Variants in ZFP64 observed in about 807,000 individuals in gnomAD.
ZFP64 encodes the protein ZFP64 zinc finger protein.
Under a neutral mutation model 51.6 loss-of-function variants are expected in ZFP64, and 14 were observed. That is an observed-to-expected ratio of 0.27 (90% CI 0.18 to 0.42). The LOEUF (loss-of-function observed/expected upper bound fraction) is 0.42, where lower values mean the gene tolerates loss of function less well. Among genes scored for constraint, ZFP64 ranks in the 10% least tolerant of loss-of-function variants. The pLI, the probability that ZFP64 is intolerant of heterozygous loss-of-function variation, is 1.00. For missense variants in ZFP64, 754 were observed against 906.8 expected (o/e 0.83, Z 2.16); for synonymous variants, 375 against 361.4 (o/e 1.04, Z -0.43).
intron 2 of ZFP64, among the ~76,000 whole-genome samples, chr20:52,168,044 C>T (rs970302845): frequency 2.6e-5 from 4 of 152,064 alleles, no homozygotes; most frequent in Non-Finnish European, 4.4e-5. Context: ...TTATATTTAT[C>T]GAATGGGCTT....
intron 5 of ZFP64, chr20:52,110,868 C>T (rs1978524660): frequency 6.2e-7 from 1 of 1,610,204 alleles, no homozygotes; most frequent in African/African-American, 1.3e-5. Flanking sequence ...CCACCTCTGC[C>T]ACCAAGAGAT....
At chr20:52,175,383 A>G (rs1389174559) in intron 2 of ZFP64, among the ~76,000 whole-genome samples, 1 of 151,970 alleles carries the variant, frequency 6.6e-6, no homozygotes, top group Non-Finnish European at 1.5e-5. Context: ...TTGGCCTCCC[A>G]AAGTGCTGGG....
intron 5 of ZFP64, chr20:52,117,585 C>T (rs1047254177): frequency 6.6e-6 from 3 of 452,766 alleles, no homozygotes; most frequent in Non-Finnish European, 1.3e-5. Context: ...CGCCATTGCA[C>T]TCTAGCCTGG....
At chr20:52,111,545 A>T (rs1978587010) in intron 5 of ZFP64, among the ~76,000 whole-genome samples, 3 of 151,814 alleles carry the variant, frequency 2.0e-5, no homozygotes, top group Admixed American at 2.0e-4. Context: ...GTTGTTAGAT[A>T]ATCCCCTTTG....
At chr20:52,132,821 A>T (rs1488073832) in intron 5 of ZFP64, among the ~76,000 whole-genome samples, 1 of 152,226 alleles carries the variant, frequency 6.6e-6, no homozygotes, top group Non-Finnish European at 1.5e-5. Context: ...CTTTTCCAAA[A>T]AAGAGAGCAG....
rs1479573044 is a variant in ZFP64, at chr20:52,153,949, T to C, written c.764-521A>G. ...TCATGCAGATCTTTATTAATAAAGA[T>C]GTGTTTCTTGCACAAAATTTATTTA... On this transcript the variant is annotated intron_variant, in intron 5 of 5. Coordinates refer to ENST00000216923, the MANE Select transcript of ZFP64 (RefSeq NM_018197.3). The surrounding 1 kb of genome is among the most constrained non-coding windows in gnomAD (Gnocchi z 5.1). 1.3e-5 allele frequency among the ~76,000 whole-genome samples: 2 copies of C among 152,210 alleles called. No homozygotes were observed. Among genetic ancestry groups the C allele is most frequent in the African/African-American group, 2.4e-5 (1 of 41,462 alleles).
At chr20:52,096,535 A>C (rs1348933792) in intron 7 of ZFP64, among the ~76,000 whole-genome samples, 1 of 152,246 alleles carries the variant, frequency 6.6e-6, no homozygotes, top group Non-Finnish European at 1.5e-5. Context: ...TCAAACATGC[A>C]AGTATAGGAT....
chr20:52,109,713 G>C (rs1389803172), intron 5 of ZFP64, among the ~76,000 whole-genome samples: 2 of 150,786 alleles, frequency 1.3e-5, no homozygotes, highest in Non-Finnish European at 2.9e-5. Flanking sequence ...CCCAGGAGGC[G>C]GAGGTTGCAG....
intron 4 of ZFP64, among the ~76,000 whole-genome samples, chr20:52,163,160 A>G (rs987713532): frequency 1.3e-5 from 2 of 152,196 alleles, no homozygotes; most frequent in Non-Finnish European, 2.9e-5. Context: ...CGGGAGTTCG[A>G]GACTAGCCTG....
intron 7 of ZFP64, among the ~76,000 whole-genome samples, chr20:52,092,396 G>GA (rs1436722613): frequency 1.3e-5 from 2 of 152,148 alleles, no homozygotes; most frequent in East Asian, 3.9e-4. Context: ...ATACCTAGTT[G>GA]AAAACCATTC....
chr20:52,105,394 G>C, intron 5 of ZFP64: 1 of 1,231,240 alleles, frequency 8.1e-7, no homozygotes, highest in Non-Finnish European at 1.0e-6. Flanking sequence ...AGTCCTGACG[G>C]CTGATTGGCC....
At chr20:52,154,057 C>T (rs765479187) in intron 5 of ZFP64, among the ~76,000 whole-genome samples, 10 of 152,078 alleles carry the variant, frequency 6.6e-5, no homozygotes, top group South Asian at 2.1e-4. Flanking sequence ...TTCATATTCG[C>T]TGAAAGATGA....
At chr20:52,088,355 AAAGT>A in intron 8 of ZFP64, 1 of 1,599,546 alleles carries the variant, frequency 6.3e-7, no homozygotes, top group Non-Finnish European at 8.5e-7. Context: ...AATTAGAGAA[AAAGT>A]AAGGGATTGA....
intron 2 of ZFP64, among the ~76,000 whole-genome samples, chr20:52,186,312 C>T (rs1983956911): frequency 6.6e-6 from 1 of 152,056 alleles, no homozygotes; most frequent in Non-Finnish European, 1.5e-5. Flanking sequence ...AAATTTTTGA[C>T]CCATCTGTAA....
intron 5 of ZFP64, among the ~76,000 whole-genome samples, chr20:52,125,664 C>T: frequency 6.6e-6 from 1 of 152,130 alleles, no homozygotes; most frequent in African/African-American, 2.4e-5. Flanking sequence ...CCAGCCTGTA[C>T]CATGTGCGGT....
At chr20:52,097,370 T>C (rs768218982) in intron 7 of ZFP64, 3 of 1,612,878 alleles carry the variant, frequency 1.9e-6, no homozygotes, top group East Asian at 4.5e-5. Flanking sequence ...AATGGATACC[T>C]ACCCGTGTGG....
At chr20:52,172,239 A>AC (rs1982813017) in intron 2 of ZFP64, among the ~76,000 whole-genome samples, 1 of 151,276 alleles carries the variant, frequency 6.6e-6, no homozygotes, top group African/African-American at 2.4e-5. Context: ...GTGTGTGTGT[A>AC]CAGTCAGATT....
At chr20:52,114,376 T>C (rs1978756716) in intron 5 of ZFP64, among the ~76,000 whole-genome samples, 1 of 152,162 alleles carries the variant, frequency 6.6e-6, no homozygotes. Flanking sequence ...ATGTAACATG[T>C]ATACAGATCA....
At chr20:52,165,213 CTAAGGTCAG>C in intron 3 of ZFP64, 1 of 456,808 alleles carries the variant, frequency 2.2e-6, no homozygotes, top group Non-Finnish European at 4.4e-6. Context: ...CGAAATCTGA[CTAAGGTCAG>C]TAGGTTAGAT....
Sources: allele counts gnomAD v4.1 joint callset (sites outside exome capture counted in the v4.1 genomes callset), GRCh38; gene constraint gnomAD v4.1.1; non-coding constraint Gnocchi (gnomAD v3.1); transcripts MANE v1.5; gene names NCBI Gene and HGNC (gene_info 2026-07-23, HGNC 2026-07-21).